PWWP2A: variants seen among roughly 807,000 people sequenced by gnomAD.
PWWP2A encodes PWWP domain containing 2A, also known as PWWP domain-containing protein 2A.
A neutral mutation model predicts 48.5 loss-of-function variants in PWWP2A; 18 were observed. That is an observed-to-expected ratio of 0.37 (90% CI 0.26 to 0.55). The LOEUF is 0.55. Among genes scored for constraint, PWWP2A ranks in the 20% least tolerant of loss-of-function variants. PWWP2A has a pLI of 0.81. For synonymous variants in PWWP2A, 396 were observed against 387.7 expected (o/e 1.02, Z -0.25); for missense variants, 867 against 976.4 (o/e 0.89, Z 1.49).
downstream of PWWP2A, among the ~76,000 whole-genome samples, chr5:160,074,865 G>A (rs144948387): frequency 0.039 from 5,974 of 152,108 alleles, 137 homozygotes; most frequent in East Asian, 0.1. Flanking sequence ...TTGGGAGGCC[G>A]AGGCAGGAGG....
At chr5:160,060,276 C>G (rs1483382965), downstream of PWWP2A, among the ~76,000 whole-genome samples, 1 of 152,220 alleles carries the variant, frequency 6.6e-6, no homozygotes, top group African/African-American at 2.4e-5. Context: ...GCCTGATGCA[C>G]AGTCAGTATC....
downstream of PWWP2A, among the ~76,000 whole-genome samples, chr5:160,058,396 A>G (rs780310932): frequency 3.3e-5 from 5 of 150,114 alleles, no homozygotes; most frequent in Admixed American, 6.6e-5. Flanking sequence ...CCATAGCCAT[A>G]TGAAGTGTAT....
chr5:160,046,988 G>A, the PWWP2A span, among the ~76,000 whole-genome samples: 1 of 152,030 alleles, frequency 6.6e-6, no homozygotes, highest in African/African-American at 2.4e-5. Flanking sequence ...CTCCAGCCTG[G>A]GTGACAGAGC....
chr5:160,087,528 GAA>G (rs1561661290), downstream of PWWP2A, among the ~76,000 whole-genome samples: 2 of 152,108 alleles, frequency 1.3e-5, no homozygotes, highest in African/African-American at 4.8e-5. Flanking sequence ...CACTGACCAA[GAA>G]AAACACTCTT....
At chr5:160,051,572 G>C in the PWWP2A span, among the ~76,000 whole-genome samples, 2 of 152,196 alleles carry the variant, frequency 1.3e-5, no homozygotes, top group African/African-American at 4.8e-5. Context: ...ATGCAGTCAA[G>C]ATCATGAGAA....
At chr5:160,108,990 ATTTT>A (rs1754695025) in intron 1 of PWWP2A, among the ~76,000 whole-genome samples, 1 of 151,872 alleles carries the variant, frequency 6.6e-6, no homozygotes, top group Non-Finnish European at 1.5e-5. Context: ...ACAAGTTTTT[ATTTT>A]TTGTCTTCAG....
At chr5:160,091,066 A>C, downstream of PWWP2A, 1 of 984,956 alleles carries the variant, frequency 1.0e-6, no homozygotes, top group Non-Finnish European at 1.2e-6. Flanking sequence ...TAAGACTAAA[A>C]ATTAAAATTC....
the PWWP2A span, among the ~76,000 whole-genome samples, chr5:160,044,610 T>C: frequency 6.6e-6 from 1 of 152,206 alleles, no homozygotes; most frequent in Non-Finnish European, 1.5e-5. Flanking sequence ...TGCATTATAA[T>C]TTGCATTTAG....
chr5:160,102,479 T>C (rs1756421941), intron 1 of PWWP2A, among the ~76,000 whole-genome samples: 1 of 151,306 alleles, frequency 6.6e-6, no homozygotes, highest in Admixed American at 6.6e-5. Context: ...GGCTGATCAC[T>C]TGAGGCCAGG....
At chr5:160,044,654 C>T in the PWWP2A span, among the ~76,000 whole-genome samples, 2 of 152,206 alleles carry the variant, frequency 1.3e-5, no homozygotes, top group Non-Finnish European at 2.9e-5. Flanking sequence ...TCACTTCCAT[C>T]GCCATCTTGG....
At chr5:160,088,915 A>C (rs529452469), downstream of PWWP2A, among the ~76,000 whole-genome samples, 56 of 152,342 alleles carry the variant, frequency 3.7e-4, no homozygotes, top group African/African-American at 1.3e-3. Context: ...AGAAAAGTAC[A>C]ACCTGCTTAA....
At chr5:160,070,839 TGA>T (rs1359164232) in intron 2 of PWWP2A, among the ~76,000 whole-genome samples, 1 of 152,200 alleles carries the variant, frequency 6.6e-6, no homozygotes, top group African/African-American at 2.4e-5. Context: ...CCATAAATGC[TGA>T]GAGTTGCAGT....
At chr5:160,053,353 G>A in the PWWP2A span, among the ~76,000 whole-genome samples, 1 of 152,134 alleles carries the variant, frequency 6.6e-6, no homozygotes, top group South Asian at 2.1e-4. Context: ...AGCAATTTGG[G>A]AGGCTGAGCC....
intron 4 of PWWP2A, chr5:160,064,804 G>A: frequency 1.0e-6 from 1 of 1,004,912 alleles, no homozygotes. Context: ...CATATTAAAA[G>A]TAGGCATTTC....
downstream of PWWP2A, among the ~76,000 whole-genome samples, chr5:160,061,550 G>A (rs537684546): frequency 8.1e-4 from 124 of 152,248 alleles, no homozygotes; most frequent in African/African-American, 2.9e-3. Context: ...GTGACCTTAG[G>A]TCTTCTCTAA....
At chr5:160,097,710 G>C (rs1156931304) in intron 1 of PWWP2A, among the ~76,000 whole-genome samples, 37 of 146,856 alleles carry the variant, frequency 2.5e-4, no homozygotes, top group African/African-American at 8.1e-4. Flanking sequence ...TTTTTTTGGG[G>C]GGGGGGGCGG....
chr5:160,060,680 T>G (rs1753343838), downstream of PWWP2A, among the ~76,000 whole-genome samples: 2 of 152,194 alleles, frequency 1.3e-5, no homozygotes, highest in South Asian at 4.1e-4. Context: ...GCACCCAACC[T>G]GACTCTAAAC....
rs766369594 is a variant in PWWP2A at position 160,119,017 on chromosome 5, G to A, written c.372C>T (p.Pro124=). 2 of 1,598,936 alleles carry A rather than the reference G, an allele frequency of 1.3e-6. No individual in the cohort carries two copies. Among genetic ancestry groups the A allele is most frequent in the South Asian group, 1.1e-5 (1 of 90,246 alleles). Residue 124 remains proline, a synonymous_variant, in exon 1 of 2, where the codon CCC becomes CCT. Coordinates refer to ENST00000307063, the MANE Select transcript of PWWP2A (RefSeq NM_001130864.2). ...GCTCCTCGCGCTCCTCGGGAGCCGG[G>A]GGCTGCTCCGGCGGCGATGCAGGAG... The part of the protein sequence containing the change: ...PPSPASPPEQ[P]PAPEEREEPP...
exon 3 of PWWP2A, chr5:160,080,699 G>C (rs761891261): frequency 1.3e-6 from 2 of 1,572,838 alleles, no homozygotes; most frequent in East Asian, 2.3e-5. Flanking sequence ...AATCCACAGT[G>C]GTCTGTCAGA....
Sources: gnomAD v4.1 joint callset for allele counts (sites outside exome capture counted in the v4.1 genomes callset) on GRCh38, gnomAD v4.1.1 for gene constraint, MANE v1.5 for transcripts, NCBI Gene and HGNC (gene_info 2026-07-23, HGNC 2026-07-21) for gene names.